Variants in ATF6 observed in about 807,000 individuals in gnomAD.
ATF6 encodes the protein activating transcription factor 6, also known as cyclic AMP-dependent transcription factor ATF-6 alpha.
ATF6 carries 53 observed loss-of-function variants against 83.6 expected under a neutral mutation model. The ratio of observed to expected loss-of-function variants is 0.63; its 90% confidence interval spans 0.51 to 0.80. ATF6 has a LOEUF of 0.80. Among genes scored for constraint, ATF6 ranks in the 30% least tolerant of loss-of-function variants. ATF6 has a pLI of 0.00. For synonymous variants in ATF6, 288 were observed against 285.8 expected, an observed-to-expected ratio of 1.01 and a Z score of -0.08; for missense variants, 744 against 797.9, an observed-to-expected ratio of 0.93 and a Z score of 0.81.
intron 15 of ATF6, among the ~76,000 whole-genome samples, chr1:161,946,518 T>C (rs963885566): frequency 6.6e-6 from 1 of 152,164 alleles, no homozygotes; most frequent in Non-Finnish European, 1.5e-5. Context: ...CTAAAAAATC[T>C]CTTTATGGTT....
intron 15 of ATF6, among the ~76,000 whole-genome samples, chr1:161,926,959 G>T (rs572694341): frequency 3.3e-5 from 5 of 152,054 alleles, no homozygotes; most frequent in Non-Finnish European, 7.4e-5. Flanking sequence ...TGATGATTTG[G>T]TTCCATGTTT....
At chr1:161,882,250 T>C (rs570578056) in intron 14 of ATF6, among the ~76,000 whole-genome samples, 1 of 152,234 alleles carries the variant, frequency 6.6e-6, no homozygotes, top group African/African-American at 2.4e-5. Context: ...ACATAACATA[T>C]ACTGTAGATA....
At chr1:161,952,690 A>T (rs1688889913) in intron 15 of ATF6, among the ~76,000 whole-genome samples, 1 of 152,136 alleles carries the variant, frequency 6.6e-6, no homozygotes, top group Non-Finnish European at 1.5e-5. Context: ...ATATATCATA[A>T]TGCTTCTATT....
intron 14 of ATF6, chr1:161,891,437 C>T (rs1373489417): frequency 6.6e-6 from 1 of 152,284 alleles, no homozygotes; most frequent in Admixed American, 6.6e-5. Flanking sequence ...CAGCGGCCTC[C>T]TCTCTATGCG....
At chr1:161,770,044 T>TA (rs959469162) in intron 1 of ATF6, among the ~76,000 whole-genome samples, 18 of 152,172 alleles carry the variant, frequency 1.2e-4, no homozygotes, top group Admixed American at 3.3e-4. Flanking sequence ...TTCACTGCCC[T>TA]AAAAAAGCCC....
rs878976054 is a variant in ATF6, at chr1:161,778,383, A to T, written c.159+63A>T. 4.1e-5 allele frequency: 54 copies of T among 1,332,750 alleles called. 1 individual carries two copies. The South Asian group carries it at 6.2e-4, about 15-fold the overall frequency. 82.6% of individuals were successfully genotyped at this position (1,332,750 alleles called of 1,614,324 possible). On this transcript the variant is annotated intron_variant, in intron 2 of 15. Transcript: ENST00000367942. ...TCTTTAACCCTAATTATTGCAAGAA[A>T]GTTTCAGGACAACAGGTTCAGGCTA...
chr1:161,893,781 AT>A (rs1427258201), intron 14 of ATF6, among the ~76,000 whole-genome samples: 4 of 152,178 alleles, frequency 2.6e-5, no homozygotes, highest in Non-Finnish European at 5.9e-5. Flanking sequence ...ATGTTGCTTA[AT>A]TTTTCAACTA....
chr1:161,796,370 T>C (rs1685021747), intron 6 of ATF6, among the ~76,000 whole-genome samples: 2 of 152,292 alleles, frequency 1.3e-5, no homozygotes, highest in South Asian at 4.1e-4. Flanking sequence ...AATTTTAAAC[T>C]CAGAGGATGT....
intron 14 of ATF6, among the ~76,000 whole-genome samples, chr1:161,897,627 T>C (rs907980390): frequency 2.0e-5 from 3 of 152,084 alleles, no homozygotes; most frequent in Non-Finnish European, 2.9e-5. Context: ...CCAAAAGAAG[T>C]TTATCTTTTA....
chr1:161,958,750 G>C lies in ATF6; in HGVS notation c.*96G>C, dbSNP rs541081541. 3 of 1,038,208 alleles carry C rather than the reference G, an allele frequency of 2.9e-6. No individual in the cohort carries two copies. Among genetic ancestry groups the C allele is most frequent in the Non-Finnish European group, 2.8e-6 (2 of 721,368 alleles). 64.3% of individuals were successfully genotyped at this position (1,038,208 alleles called of 1,614,324 possible). A position where few individuals can be genotyped will look rare whatever the true frequency, so the allele number is the denominator to read the frequency against. ...GCTTTCTGCCTTGGTGGCAGGCAGAGAACTGTCTCGTACTAGAATTCAAGG... is the reference window on the plus strand; with the variant it reads ...GCTTTCTGCCTTGGTGGCAGGCAGACAACTGTCTCGTACTAGAATTCAAGG... On this transcript the variant is annotated 3_prime_UTR_variant, in exon 16 of 16. Coordinates refer to ENST00000367942, the MANE Select transcript of ATF6 (RefSeq NM_007348.4).
intron 15 of ATF6, among the ~76,000 whole-genome samples, chr1:161,947,576 A>G (rs1344886028): frequency 1.3e-5 from 2 of 152,186 alleles, no homozygotes; most frequent in Admixed American, 6.5e-5. Flanking sequence ...TAATAGTGTA[A>G]TCATAGCAAG....
intron 14 of ATF6, among the ~76,000 whole-genome samples, chr1:161,871,349 T>C (rs1324142759): frequency 1.3e-5 from 2 of 151,220 alleles, no homozygotes; most frequent in African/African-American, 4.8e-5. Context: ...GGAATTAGGG[T>C]GGGAGGTGGG....
At chr1:161,914,515 C>T (rs1327299762) in intron 15 of ATF6, among the ~76,000 whole-genome samples, 3 of 152,104 alleles carry the variant, frequency 2.0e-5, no homozygotes, top group African/African-American at 7.2e-5. Flanking sequence ...TTTTTTGATC[C>T]AGTCATCTTT....
chr1:161,928,446 C>G lies in ATF6; in HGVS notation c.1804+16066C>G, dbSNP rs541925390. Among the ~76,000 whole-genome samples the G allele has an allele frequency of 4.2e-4, 64 of 152,132 alleles. 3 individuals are homozygous for G. Among genetic ancestry groups the G allele is most frequent in the Non-Finnish European group, 2.1e-4 (14 of 67,994 alleles). On this transcript the variant is annotated intron_variant, in intron 15 of 15. Coordinates refer to ENST00000367942, the MANE Select transcript of ATF6 (RefSeq NM_007348.4). Reference sequence around the variant, plus strand: ...AAACCAGAAAGGCTTTTTTTCCCCACCAGTATGTTAAAATATGGAGAAATA... The same window carrying G: ...AAACCAGAAAGGCTTTTTTTCCCCAGCAGTATGTTAAAATATGGAGAAATA...
rs1477922028 is a variant in ATF6, at chr1:161,792,227, C to T, written c.588C>T (p.Ser196=). Residue 196 remains serine, a synonymous_variant, in exon 6 of 16, where the codon TCC becomes TCT. Coordinates refer to ENST00000367942, the MANE Select transcript of ATF6 (RefSeq NM_007348.4). ...LPAAPKTQTN[S]SVPAKTIIIQ... ...CAGCACCCAAGACTCAAACAAACTCCAGTGTTCCAGCAAAAACCATCATTA... is the reference window on the plus strand; with the variant it reads ...CAGCACCCAAGACTCAAACAAACTCTAGTGTTCCAGCAAAAACCATCATTA... The T allele has an allele frequency of 2.9e-5, 46 of 1,614,010 alleles. No individual in the cohort carries two copies. The highest frequency in any genetic ancestry group is 3.9e-5 in the Non-Finnish European group (46 of 1,180,002).
intron 13 of ATF6, among the ~76,000 whole-genome samples, chr1:161,861,295 A>C (rs573484987): frequency 6.6e-6 from 1 of 152,046 alleles, no homozygotes; most frequent in Non-Finnish European, 1.5e-5. Flanking sequence ...CTGAGAAAAA[A>C]ATATAGATAG....
chr1:161,935,379 G>T (rs1021040297), intron 15 of ATF6, among the ~76,000 whole-genome samples: 3 of 152,170 alleles, frequency 2.0e-5, no homozygotes, highest in Non-Finnish European at 4.4e-5. Context: ...AGGCCCTGGA[G>T]AGCTTCCTCA....
intron 7 of ATF6, among the ~76,000 whole-genome samples, chr1:161,804,577 A>G (rs1165644844): frequency 6.6e-6 from 1 of 152,156 alleles, no homozygotes; most frequent in South Asian, 2.1e-4. Flanking sequence ...CAGAAGAGTT[A>G]TCTGGAACAG....
In ATF6 at chr1:161,780,380, TA is replaced by T. The variant is rs1279806440; in HGVS notation, c.160-1531del. On this transcript the variant is annotated intron_variant, in intron 2 of 15. Transcript: ENST00000367942. ...AGGTGTATTTTTTTATTTTTATTTT[TA>T]TTTTTTTTTTGAGACGGAGTCTTGC... 4.0e-3 allele frequency among the ~76,000 whole-genome samples: 605 copies of T among 152,080 alleles called. 9 individuals carry two copies. The highest frequency in any genetic ancestry group is 0.014 in the African/African-American group (591 of 41,466).
Sources: gnomAD v4.1 joint callset for allele counts (sites outside exome capture counted in the v4.1 genomes callset) on GRCh38, gnomAD v4.1.1 for gene constraint, MANE v1.5 for transcripts, NCBI Gene and HGNC (gene_info 2026-07-23, HGNC 2026-07-21) for gene names.